TNIP3: variants seen among roughly 807,000 people sequenced by gnomAD.
TNIP3 encodes the protein TNFAIP3-interacting protein 3.
A neutral mutation model predicts 54.1 loss-of-function variants in TNIP3; 34 were observed. That is an observed-to-expected ratio of 0.63 (90% confidence interval 0.48 to 0.84). TNIP3 has a LOEUF of 0.84. Among genes scored for constraint, TNIP3 ranks in the 40% least tolerant of loss-of-function variants. The probability of loss-of-function intolerance (pLI) is 0.00; values close to 1 mark genes in which losing one functional copy is unlikely to be tolerated. For missense variants in TNIP3, 366 were observed against 387.6 expected (o/e 0.94, Z 0.47); for synonymous variants, 134 against 136.8 (o/e 0.98, Z 0.14).
At chr4:121,160,948 GACA>G (rs775773594) in intron 2 of TNIP3, among the ~76,000 whole-genome samples, 185 bp downstream of exon 2, 12 of 152,274 alleles carry the variant, frequency 7.9e-5, no homozygotes, top group Non-Finnish European at 1.5e-4. Flanking sequence ...CAGACACTGA[GACA>G]ACAAGTATGA....
At chr4:121,135,658 C>A (rs981528593) in intron 10 of TNIP3, among the ~76,000 whole-genome samples, 2 of 152,210 alleles carry the variant, frequency 1.3e-5, no homozygotes, top group African/African-American at 2.4e-5. Context: ...GTTGGCCTCA[C>A]AAAGCGCTGG....
chr4:121,145,153 A>G (rs192237879), intron 7 of TNIP3, among the ~76,000 whole-genome samples: 1 of 151,800 alleles, frequency 6.6e-6, no homozygotes, highest in East Asian at 1.9e-4. Flanking sequence ...GACAACAAAT[A>G]ATATGTTATT....
chr4:121,147,218 T>G (rs1370470356), intron 6 of TNIP3, 44 bp from the exon 7 acceptor site: 2 of 1,578,336 alleles, frequency 1.3e-6, no homozygotes, highest in Non-Finnish European at 1.7e-6. Flanking sequence ...TCCTTTTCAC[T>G]TAAGCCATTT....
chr4:121,201,313 G>A (rs560728325), intron 2 of TNIP3, among the ~76,000 whole-genome samples: 1 of 152,146 alleles, frequency 6.6e-6, no homozygotes, highest in Non-Finnish European at 1.5e-5. Flanking sequence ...GATGGCGTGT[G>A]GTCAATGGCT....
At position 121,164,187 on chromosome 4, in the gene TNIP3, G is replaced by A; in HGVS notation, c.-62C>T. On this transcript the variant is annotated 5_prime_UTR_variant, in exon 1 of 11. Transcript: ENST00000057513. ...GAAAAACAGGGGAAAAGTCTCTTAA[G>A]GTATATTTTAGGGTGAGAGCAAGTA... 1 of 1,611,484 alleles carries A rather than the reference G, an allele frequency of 6.2e-7. No individual in the cohort carries two copies. The highest frequency in any genetic ancestry group is 8.5e-7 in the Non-Finnish European group (1 of 1,179,024).
At position 121,177,694 on chromosome 4, in the gene TNIP3, C is replaced by T. The variant is rs529252955; in HGVS notation, c.189+4982G>A. Among the ~76,000 whole-genome samples, 26 of 152,286 alleles carry T rather than the reference C, an allele frequency of 1.7e-4. No individual in the cohort carries two copies. The South Asian group carries it at 1.9e-3, about 11-fold the overall frequency. On this transcript the variant is annotated intron_variant, in intron 3 of 12. Coordinates refer to the TNIP3 transcript ENST00000507879. The stretch of plus-strand genomic sequence containing the variant: ...GCCTTCACTCCCTGTCATTGGCTCA[C>T]GCTTGTGTTAACCAAATAGAAATTT...
At chr4:121,218,632 C>T (rs996780588), upstream of TNIP3, among the ~76,000 whole-genome samples, 1 of 151,368 alleles carries the variant, frequency 6.6e-6, no homozygotes, top group Non-Finnish European at 1.5e-5. Flanking sequence ...CTCCCTCTCC[C>T]TCTCTCTGTC....
At chr4:121,172,684 T>A (rs1385979385) in intron 3 of TNIP3, among the ~76,000 whole-genome samples, 3 of 152,226 alleles carry the variant, frequency 2.0e-5, no homozygotes, top group African/African-American at 7.2e-5. Context: ...CAACTCTATT[T>A]CACCCAGATT....
At chr4:121,225,183 A>T (rs958730439) in intron 1 of TNIP3, among the ~76,000 whole-genome samples, 3 of 152,340 alleles carry the variant, frequency 2.0e-5, no homozygotes, top group African/African-American at 7.2e-5. Context: ...TTTATTACTT[A>T]TCACAATGAT....
intron 5 of TNIP3, among the ~76,000 whole-genome samples, chr4:121,154,081 G>T (rs1284747430): frequency 6.6e-6 from 1 of 152,134 alleles, no homozygotes; most frequent in East Asian, 1.9e-4. Flanking sequence ...GTTTAAAGTA[G>T]GTTTTAGGCT....
chr4:121,206,667 C>G (rs970991541), intron 2 of TNIP3, among the ~76,000 whole-genome samples: 4 of 152,086 alleles, frequency 2.6e-5, no homozygotes, highest in Non-Finnish European at 5.9e-5. Context: ...CCACCTCAGC[C>G]TCCTGAGTAA....
At chr4:121,207,702 T>C (rs1726261559) in intron 2 of TNIP3, among the ~76,000 whole-genome samples, 1 of 152,220 alleles carries the variant, frequency 6.6e-6, no homozygotes, top group Non-Finnish European at 1.5e-5. Flanking sequence ...CAGTGAAAGA[T>C]ATCTGACCTA....
intron 3 of TNIP3, among the ~76,000 whole-genome samples, chr4:121,169,475 T>C (rs921231184): frequency 6.6e-6 from 1 of 152,196 alleles, no homozygotes; most frequent in Non-Finnish European, 1.5e-5. Context: ...TTTTTCTTCT[T>C]TTTGTTGATT....
At chr4:121,227,200 A>G (rs1579522037) in intron 1 of TNIP3, among the ~76,000 whole-genome samples, 2 of 152,324 alleles carry the variant, frequency 1.3e-5, no homozygotes, top group Middle Eastern at 6.8e-3. Flanking sequence ...AACAAGTTCT[A>G]TCTTATTTCT....
At chr4:121,162,821 C>T (rs1356794491) in intron 1 of TNIP3, among the ~76,000 whole-genome samples, 1 of 152,124 alleles carries the variant, frequency 6.6e-6, no homozygotes, top group Non-Finnish European at 1.5e-5. Context: ...TACTAAAGTT[C>T]AATATATTCC....
intron 2 of TNIP3, among the ~76,000 whole-genome samples, chr4:121,205,071 G>T (rs1013957953): frequency 6.6e-6 from 1 of 152,086 alleles, no homozygotes; most frequent in African/African-American, 2.4e-5. Context: ...TGTCTAGTTA[G>T]CATTTTAACA....
At chr4:121,133,302 T>C (rs1728586274) in intron 10 of TNIP3, among the ~76,000 whole-genome samples, 1 of 152,244 alleles carries the variant, frequency 6.6e-6, no homozygotes, top group African/African-American at 2.4e-5. Flanking sequence ...TTGTACTTGT[T>C]GTCCTCATTT....
At chr4:121,153,405 G>A (rs1004610889) in intron 5 of TNIP3, among the ~76,000 whole-genome samples, 18 of 151,948 alleles carry the variant, frequency 1.2e-4, no homozygotes, top group Admixed American at 4.6e-4. Flanking sequence ...CTTGTAATAC[G>A]GTATCAAAAA....
At chr4:121,223,063 C>T (rs1317392639) in intron 1 of TNIP3, among the ~76,000 whole-genome samples, 1 of 152,186 alleles carries the variant, frequency 6.6e-6, no homozygotes, top group African/African-American at 2.4e-5. Context: ...CCTCGGCCTC[C>T]CAAAGTGCTG....
Sources: gnomAD v4.1 joint callset for allele counts (sites outside exome capture counted in the v4.1 genomes callset) on GRCh38, gnomAD v4.1.1 for gene constraint, MANE v1.5 for transcripts, NCBI Gene and HGNC (gene_info 2026-07-23, HGNC 2026-07-21) for gene names.